Variants in VPS13B observed in about 807,000 individuals in gnomAD.
VPS13B encodes vacuolar protein sorting 13 homolog B.
Under a neutral mutation model 426.4 loss-of-function variants are expected in VPS13B, and 285 were observed. The ratio of observed to expected loss-of-function variants is 0.67; its 90% CI spans 0.61 to 0.74. The LOEUF is 0.74. Ranked by LOEUF, VPS13B falls within the 30% of genes least tolerant of loss-of-function variation. The pLI, the probability that VPS13B is intolerant of heterozygous loss-of-function variation, is 0.00. For missense variants in VPS13B, 4,537 were observed against 4,782.6 expected, an observed-to-expected ratio of 0.95 and a Z score of 1.51; for synonymous variants, 1,676 against 1,676.4, an observed-to-expected ratio of 1.00 and a Z score of 0.01.
chr8:99,724,821 T>C (rs920850769), intron 39 of VPS13B, among the ~76,000 whole-genome samples: 8 of 152,120 alleles, frequency 5.3e-5, no homozygotes, highest in African/African-American at 1.7e-4. Context: ...ACAAATAGAT[T>C]GTATAATTCC....
At chr8:99,041,196 T>G (rs1470503956) in intron 3 of VPS13B, among the ~76,000 whole-genome samples, 1 of 152,202 alleles carries the variant, frequency 6.6e-6, no homozygotes, top group Non-Finnish European at 1.5e-5. Context: ...AAAAATATAT[T>G]GAAACTTCAC....
chr8:99,720,477 A>G lies in VPS13B; in HGVS notation c.6790A>G (p.Lys2264Glu), dbSNP rs2130340530. The G allele has an allele frequency of 4.3e-6, 7 of 1,614,024 alleles. No individual in the cohort carries two copies. Among genetic ancestry groups the G allele is most frequent in the East Asian group, 2.2e-5 (1 of 44,854 alleles). ...PVPQMSSPVEKNQTFKSEQSS... is the reference protein window; with the variant it reads ...PVPQMSSPVEENQTFKSEQSS... ...GCCTCAAATGTCATCTCCTGTGGAA[A>G]AGAATCAGACATTTAAAAGTGAACA... Residue 2264 changes from lysine (K) to glutamate (E), a missense_variant, in exon 38 of 62, where the codon AAG (lysine) becomes GAG (glutamate). Lys to Glu is a moderately conservative substitution (Grantham distance 56). Transcript: ENST00000357162.
In VPS13B at chr8:99,864,967, C is replaced by G. The variant is rs1314292035; in HGVS notation, c.11215+3021C>G. 3.9e-5 allele frequency among the ~76,000 whole-genome samples: 6 copies of G among 152,184 alleles called. No homozygotes were observed. In the East Asian group the frequency reaches 1.2e-3, roughly 29 times the overall value. ...AATGTTTACGGGTTCGGCGGGCCTT[C>G]TTGACTCTGCTTCACCCTCATGGGG... On this transcript the variant is annotated intron_variant, in intron 58 of 61. Coordinates refer to ENST00000357162, the MANE Select transcript of VPS13B (RefSeq NM_152564.5).
intron 33 of VPS13B, among the ~76,000 whole-genome samples, chr8:99,608,422 G>C (rs1460621615): frequency 6.6e-6 from 1 of 151,892 alleles, no homozygotes; most frequent in African/African-American, 2.4e-5. Flanking sequence ...AGAATTATGG[G>C]GGTAAGCCAC....
At chr8:99,725,908 T>C (rs141059810) in intron 39 of VPS13B, among the ~76,000 whole-genome samples, 38 of 152,310 alleles carry the variant, frequency 2.5e-4, no homozygotes, top group African/African-American at 8.7e-4. Context: ...TACAGAGATA[T>C]ATTAATCTCC....
chr8:99,437,666 C>T (rs923955093), intron 22 of VPS13B, among the ~76,000 whole-genome samples: 1 of 151,692 alleles, frequency 6.6e-6, no homozygotes, highest in Non-Finnish European at 1.5e-5. Flanking sequence ...TGCAGGGAGC[C>T]GAGATTGCGC....
intron 43 of VPS13B, among the ~76,000 whole-genome samples, chr8:99,800,642 A>C (rs1202339103): frequency 6.6e-6 from 1 of 152,138 alleles, no homozygotes; most frequent in Non-Finnish European, 1.5e-5. Context: ...CAGAATACCC[A>C]TGAAGCATCT....
intron 17 of VPS13B, among the ~76,000 whole-genome samples, chr8:99,245,258 G>A (rs758006191): frequency 5.3e-5 from 8 of 152,044 alleles, no homozygotes; most frequent in South Asian, 2.1e-4. Context: ...ATTAACTTAC[G>A]TTGTTTTGTG....
In VPS13B at chr8:99,790,922, A is replaced by C. The variant is rs537440692; in HGVS notation, c.7941+6446A>C. Among the ~76,000 whole-genome samples the C allele has an allele frequency of 3.3e-5, 5 of 152,272 alleles. No homozygotes were observed. In the East Asian group the frequency reaches 9.7e-4, roughly 29 times the overall value. On this transcript the variant is annotated intron_variant, in intron 43 of 61. Coordinates refer to ENST00000357162, the MANE Select transcript of VPS13B (RefSeq NM_152564.5). ...AGCTGCAAGAGGGGGAAGTAGGCTA[A>C]GGCCATGAGGGCTCCTGTATGCTGT...
At chr8:99,536,669 A>T (rs1248592914) in intron 30 of VPS13B, 1 of 534,608 alleles carries the variant, frequency 1.9e-6, no homozygotes, top group South Asian at 1.4e-5. Context: ...AACTGACACA[A>T]CAGTGAAAAG....
At chr8:99,414,668 C>T (rs757042493) in intron 21 of VPS13B, among the ~76,000 whole-genome samples, 4 of 152,108 alleles carry the variant, frequency 2.6e-5, no homozygotes, top group African/African-American at 4.8e-5. Flanking sequence ...ATTTCTCCTT[C>T]GCTTATGAAG....
At chr8:99,745,419 C>T (rs191906146) in intron 39 of VPS13B, among the ~76,000 whole-genome samples, 149 of 152,192 alleles carry the variant, frequency 9.8e-4, no homozygotes, top group African/African-American at 3.4e-3. Flanking sequence ...TCACTTTCCA[C>T]AGTTTCATTT....
chr8:99,874,147 CAGA>C (rs1817573379), intron 61 of VPS13B, among the ~76,000 whole-genome samples: 1 of 152,130 alleles, frequency 6.6e-6, no homozygotes, highest in African/African-American at 2.4e-5. Flanking sequence ...CAAAATGAGT[CAGA>C]AGGTCAATTT....
intron 16 of VPS13B, among the ~76,000 whole-genome samples, chr8:99,184,852 G>T (rs916898160): frequency 1.3e-5 from 2 of 152,134 alleles, no homozygotes; most frequent in Non-Finnish European, 2.9e-5. Context: ...TTAGCCAGGT[G>T]CAGTGGCACG....
intron 22 of VPS13B, among the ~76,000 whole-genome samples, chr8:99,435,121 G>C (rs1817304489): frequency 6.6e-6 from 1 of 152,072 alleles, no homozygotes; most frequent in African/African-American, 2.4e-5. Flanking sequence ...GGATGCCTAG[G>C]GCATGTACTT....
intron 59 of VPS13B, among the ~76,000 whole-genome samples, chr8:99,869,932 T>C (rs897879025): frequency 6.6e-6 from 1 of 152,262 alleles, no homozygotes; most frequent in Non-Finnish European, 1.5e-5. Context: ...TAAAGGCCTA[T>C]GTGGCTGCTG....
At chr8:99,182,997 C>A (rs1563588148) in intron 16 of VPS13B, among the ~76,000 whole-genome samples, 1 of 152,260 alleles carries the variant, frequency 6.6e-6, no homozygotes, top group East Asian at 1.9e-4. Flanking sequence ...CCTCGGCCTC[C>A]CAAAGTGCTG....
At chr8:99,712,889 CTTGTAA>C (rs1418511645) in intron 36 of VPS13B, among the ~76,000 whole-genome samples, 4 of 151,472 alleles carry the variant, frequency 2.6e-5, no homozygotes, top group African/African-American at 9.7e-5. Context: ...TCAATAAGAA[CTTGTAA>C]TTGTATAACG....
intron 19 of VPS13B, among the ~76,000 whole-genome samples, chr8:99,355,031 C>A (rs1812106148): frequency 1.3e-5 from 2 of 152,164 alleles, no homozygotes; most frequent in South Asian, 4.1e-4. Context: ...TCTGTTAGAA[C>A]AGACCTTCTG....
Sources: gnomAD v4.1 joint callset for allele counts (sites outside exome capture counted in the v4.1 genomes callset) on GRCh38, gnomAD v4.1.1 for gene constraint, MANE v1.5 for transcripts, NCBI Gene and HGNC (gene_info 2026-07-23, HGNC 2026-07-21) for gene names.